Variants in SMC3 observed in about 807,000 individuals in gnomAD.
SMC3 encodes the protein structural maintenance of chromosomes 3.
A neutral mutation model predicts 171.8 loss-of-function variants in SMC3; 20 were observed. The ratio of observed to expected loss-of-function variants is 0.12; its 90% confidence interval spans 0.08 to 0.17. SMC3 has a LOEUF of 0.17. SMC3 is among the 10% of genes least tolerant of loss of function. The pLI is 1.00. For synonymous variants in SMC3, 464 were observed against 451.1 expected (o/e 1.03, Z -0.36); for missense variants, 543 against 1,420.4 (o/e 0.38, Z 9.93).
At chr10:110,601,519 A>C in intron 23 of SMC3, 118 bp from the exon 24 acceptor site, 1 of 1,100,916 alleles carries the variant, frequency 9.1e-7, no homozygotes, top group East Asian at 2.4e-5. Flanking sequence ...TTTCACAGAA[A>C]ATTTTAAACA....
At chr10:110,572,362 C>A (rs1267530742) in intron 2 of SMC3, among the ~76,000 whole-genome samples, 1 of 152,190 alleles carries the variant, frequency 6.6e-6, no homozygotes, top group Admixed American at 6.5e-5. Context: ...TTCTTGATAG[C>A]ATTTTTCCCC....
chr10:110,584,142 A>G (rs1383994819), intron 12 of SMC3, 41 bp from the exon 13 acceptor site: 17 of 1,582,218 alleles, frequency 1.1e-5, no homozygotes, highest in Non-Finnish European at 1.2e-5. Context: ...AAACTTGGTT[A>G]TTATTCTCCT....
chr10:110,587,752 A>C (rs1428194044), intron 13 of SMC3, among the ~76,000 whole-genome samples: 1 of 152,160 alleles, frequency 6.6e-6, no homozygotes, highest in Non-Finnish European at 1.5e-5. Context: ...AACAGTCTGA[A>C]TTGTTTAGGA....
chr10:110,597,495 G>GC (rs1221955722), intron 19 of SMC3, among the ~76,000 whole-genome samples: 1 of 152,166 alleles, frequency 6.6e-6, no homozygotes, highest in African/African-American at 2.4e-5. Flanking sequence ...GGTGAAACTG[G>GC]AATTTTTTTA....
At position 110,604,934 on chromosome 10, in the gene SMC3, C is replaced by T. The variant is rs935825220; in HGVS notation, c.*632C>T. On this transcript the variant is annotated 3_prime_UTR_variant, in exon 29 of 29. Transcript: ENST00000361804. Reference sequence around the variant, plus strand: ...GCCCTTTTTCTTTTCTAGGATCCCACAGAGGATACATTACATTTACTTACA... The same window carrying T: ...GCCCTTTTTCTTTTCTAGGATCCCATAGAGGATACATTACATTTACTTACA... 6.6e-6 allele frequency among the ~76,000 whole-genome samples: 1 copy of T among 152,176 alleles called. No individual in the cohort carries two copies. Among genetic ancestry groups the T allele is most frequent in the Non-Finnish European group, 1.5e-5 (1 of 68,024 alleles).
chr10:110,575,995 G>C (rs527941056), intron 4 of SMC3, among the ~76,000 whole-genome samples: 10 of 152,250 alleles, frequency 6.6e-5, no homozygotes, highest in Admixed American at 5.9e-4. Context: ...TTTGTACTTA[G>C]ATAGTAAACA....
intron 20 of SMC3, among the ~76,000 whole-genome samples, chr10:110,598,965 AGT>A (rs1861344065): frequency 6.6e-6 from 1 of 151,822 alleles, no homozygotes; most frequent in Admixed American, 6.6e-5. Flanking sequence ...TATAAGTGAT[AGT>A]GTGTTATTGG....
At chr10:110,584,139 GTTA>G (rs1042218670) in intron 12 of SMC3, 41 bp from the exon 13 acceptor site, 13 of 1,579,062 alleles carry the variant, frequency 8.2e-6, no homozygotes, top group East Asian at 4.5e-5. Flanking sequence ...ATTAAACTTG[GTTA>G]TTATTCTCCT....
chr10:110,572,377 A>G (rs1204206516), intron 2 of SMC3, among the ~76,000 whole-genome samples: 3 of 152,204 alleles, frequency 2.0e-5, no homozygotes, highest in African/African-American at 4.8e-5. Flanking sequence ...TTCCCCCTCC[A>G]GTACAGGATC....
Position 110,590,977 on chromosome 10 carries a change from C to G in SMC3, c.1671-14C>G, listed in dbSNP as rs201713297. 1.2e-6 allele frequency: 2 copies of G among 1,611,420 alleles called. No homozygotes were observed. The highest frequency in any genetic ancestry group is 2.7e-5 in the African/African-American group (2 of 74,920). ...AGTACCAATAAAGATTTGTCTTACT[C>G]TGTTTATATTTAGGTTATTTTATCA... On this transcript the variant is annotated splice_polypyrimidine_tract_variant and intron_variant, in intron 16 of 28. Coordinates refer to ENST00000361804, the MANE Select transcript of SMC3 (RefSeq NM_005445.4).
chr10:110,580,866 C>G (rs756174835), intron 7 of SMC3, 38 bp from the exon 8 acceptor site: 1 of 1,077,208 alleles, frequency 9.3e-7, no homozygotes, highest in Non-Finnish European at 1.4e-6. Context: ...TAAACGGAGG[C>G]TACAGCTATG....
rs10884993 is a variant in SMC3 at position 110,604,958 on chromosome 10, C to T, written c.*656C>T. 0.12 allele frequency among the ~76,000 whole-genome samples: 17,777 copies of T among 152,214 alleles called. 1,227 individuals are homozygous for T. Among genetic ancestry groups the T allele is most frequent in the East Asian group, 0.26 (1,358 of 5,180 alleles). ...ACAGAGGATACATTACATTTACTTA[C>T]ATCTCCTCTAGTCTGTGACAATTTC... On this transcript the variant is annotated 3_prime_UTR_variant, in exon 29 of 29. Coordinates refer to ENST00000361804, the MANE Select transcript of SMC3 (RefSeq NM_005445.4).
intron 3 of SMC3, among the ~76,000 whole-genome samples, chr10:110,574,983 T>C (rs1860925808): frequency 6.6e-6 from 1 of 152,222 alleles, no homozygotes; most frequent in Non-Finnish European, 1.5e-5. Flanking sequence ...CATTTATGTC[T>C]AGTGGGGAAA....
chr10:110,581,717 G>A (rs1861032933), intron 8 of SMC3, among the ~76,000 whole-genome samples: 1 of 152,088 alleles, frequency 6.6e-6, no homozygotes, highest in African/African-American at 2.4e-5. Flanking sequence ...TCATTGCCAA[G>A]GTCTGATTTT....
intron 18 of SMC3, among the ~76,000 whole-genome samples, chr10:110,593,784 C>G (rs1408296098): frequency 1.3e-5 from 2 of 151,912 alleles, no homozygotes; most frequent in African/African-American, 2.4e-5. Flanking sequence ...GGAGGGAATT[C>G]AAGACTAGCC....
intron 7 of SMC3, among the ~76,000 whole-genome samples, chr10:110,579,019 T>C (rs1860994732): frequency 2.0e-5 from 3 of 152,262 alleles, no homozygotes; most frequent in African/African-American, 7.2e-5. Flanking sequence ...TGAAAAACTT[T>C]CTAAAATTAA....
chr10:110,597,458 T>G (rs371538781), intron 19 of SMC3, among the ~76,000 whole-genome samples: 2 of 152,218 alleles, frequency 1.3e-5, no homozygotes, highest in East Asian at 3.8e-4. Flanking sequence ...AGAATAGATA[T>G]AAAGTTAATG....
intron 3 of SMC3, 48 bp from the exon 4 acceptor site, chr10:110,575,288 T>C: frequency 7.1e-7 from 1 of 1,400,756 alleles, no homozygotes. Flanking sequence ...ATAAATAAGT[T>C]ATAAACACTT....
rs1258283212 is a variant in SMC3 at position 110,567,720 on chromosome 10, C to CT, written c.-94dup. The stretch of plus-strand genomic sequence containing the variant: ...GTTTGGCTGAGGGGAGCGAGCGGCG[C>CT]TTTGGGGGAGGGGTCGCGTAGGCGC... On this transcript the variant is annotated 5_prime_UTR_variant, in exon 1 of 29. Transcript: ENST00000361804. The CT allele has an allele frequency of 6.8e-6, 10 of 1,480,942 alleles. No individual in the cohort carries two copies. In the Admixed American group the frequency reaches 1.7e-4, roughly 26 times the overall value. 91.7% of individuals were successfully genotyped at this position (1,480,942 alleles called of 1,614,324 possible). A position where few individuals can be genotyped will look rare whatever the true frequency, so the allele number is the denominator to read the frequency against.
Sources: allele counts gnomAD v4.1 joint callset (sites outside exome capture counted in the v4.1 genomes callset), GRCh38; gene constraint gnomAD v4.1.1; transcripts MANE v1.5; gene names NCBI Gene and HGNC (gene_info 2026-07-23, HGNC 2026-07-21).